The following DAP3 variants were observed in gnomAD, a reference collection of about 807,000 sequenced individuals.
DAP3 encodes death associated protein 3.
DAP3 carries 28 observed loss-of-function variants against 51.9 expected under a neutral mutation model. The observed-to-expected ratio is 0.54, with a 90% CI of 0.40 to 0.74. The LOEUF is 0.74. Among genes scored for constraint, DAP3 ranks in the 30% least tolerant of loss-of-function variants. The pLI is 0.00. For missense variants in DAP3, 458 were observed against 483.5 expected, an observed-to-expected ratio of 0.95 and a Z score of 0.49; for synonymous variants, 170 against 170.3, an observed-to-expected ratio of 1.00 and a Z score of 0.01.
intron 1 of DAP3, among the ~76,000 whole-genome samples, chr1:155,697,205 A>G (rs1440882937): frequency 6.6e-6 from 1 of 152,148 alleles, no homozygotes; most frequent in Non-Finnish European, 1.5e-5. Flanking sequence ...AGTGAACTGC[A>G]GGTTGGGCAG....
Position 155,717,117 on chromosome 1 carries a change from G to A in DAP3, c.157G>A (p.Glu53Lys). 1 of 1,614,066 alleles carries A rather than the reference G, an allele frequency of 6.2e-7. No individual in the cohort carries two copies. The change falls in exon 3 of 13, where the codon GAG (glutamate) becomes AAG (lysine). Residue 53 changes from glutamate (E) to lysine (K), a missense_variant. Coordinates refer to ENST00000368336, the MANE Select transcript of DAP3 (RefSeq NM_004632.4). ...ESPRAISRTNENDPAKHGDQH... is the reference protein window; with the variant it reads ...ESPRAISRTNKNDPAKHGDQH... ...TCCGAGAGCTATTTCCCGCACCAAT[G>A]AGAATGACCCGGTGAGTTACTAATA... is the stretch of plus-strand genomic sequence containing the variant.
At chr1:155,696,332 A>G (rs531714297) in intron 1 of DAP3, among the ~76,000 whole-genome samples, 1 of 152,172 alleles carries the variant, frequency 6.6e-6, no homozygotes. Flanking sequence ...TTGGGTGTTA[A>G]TTCTCTTTTA....
chr1:155,709,702 C>G, intron 1 of DAP3, 71 bp from the exon 2 acceptor site: 1 of 1,327,950 alleles, frequency 7.5e-7, no homozygotes. Context: ...AATCTATTGT[C>G]AGTTTTCCAT....
rs745487345 is a variant in DAP3 at position 155,725,890 on chromosome 1, C to T, written c.380-37C>T. 3 of 1,587,104 alleles carry T rather than the reference C, an allele frequency of 1.9e-6. No individual in the cohort carries two copies. In the Admixed American group the frequency reaches 5.0e-5, roughly 27 times the overall value. On this transcript the variant is annotated intron_variant, in intron 5 of 12. Transcript: ENST00000368336. ...AACTACTGTTCACATACAAGTGATC[C>T]TTCCAGTCATGTTTTCTTTAACAAC...
intron 2 of DAP3, among the ~76,000 whole-genome samples, chr1:155,715,940 A>G (rs1294250861): frequency 6.6e-6 from 1 of 152,182 alleles, no homozygotes; most frequent in East Asian, 1.9e-4. Context: ...TTAGCAGGAA[A>G]ATTGTTACAG....
At chr1:155,726,135 T>G in intron 6 of DAP3, 116 bp downstream of exon 6, 1 of 874,572 alleles carries the variant, frequency 1.1e-6, no homozygotes, top group South Asian at 1.8e-5. Flanking sequence ...TTTTTTGAGA[T>G]GGAGTTTCGC....
At chr1:155,731,307 C>G (rs750637871) in intron 9 of DAP3, 49 bp from the exon 10 acceptor site, 2 of 1,555,516 alleles carry the variant, frequency 1.3e-6, no homozygotes, top group Admixed American at 1.7e-5. Flanking sequence ...GGGAGAACAT[C>G]TAGGAAAGGC....
At chr1:155,699,739 A>G (rs1012182160) in intron 1 of DAP3, among the ~76,000 whole-genome samples, 1 of 149,322 alleles carries the variant, frequency 6.7e-6, no homozygotes, top group Non-Finnish European at 1.5e-5. Context: ...TTAGCCTCCC[A>G]AGTAGCTAGG....
chr1:155,721,732 C>G, intron 4 of DAP3, 114 bp downstream of exon 4: 3 of 1,003,882 alleles, frequency 3.0e-6, no homozygotes, highest in Non-Finnish European at 3.0e-6. Flanking sequence ...ATCTGAAAAA[C>G]AGAAATTCAT....
chr1:155,716,402 C>G (rs566431133), intron 2 of DAP3, among the ~76,000 whole-genome samples: 1 of 150,390 alleles, frequency 6.6e-6, no homozygotes, highest in Non-Finnish European at 1.5e-5. Flanking sequence ...TAAAAATACA[C>G]CTCTACTAAA....
intron 1 of DAP3, among the ~76,000 whole-genome samples, chr1:155,698,897 C>T (rs966480482): frequency 3.3e-5 from 5 of 152,190 alleles, no homozygotes; most frequent in Non-Finnish European, 5.9e-5. Flanking sequence ...CTTTGGGAGT[C>T]CTTTGTCTGT....
rs1417132527 is a variant in DAP3 at position 155,689,206 on chromosome 1, C to G, written c.-8+32C>G. On this transcript the variant is annotated intron_variant, in intron 1 of 12. Coordinates refer to ENST00000368336, the MANE Select transcript of DAP3 (RefSeq NM_004632.4). ...GAATGGACCGACACGGGTATTGTAC[C>G]GCTGAGGGAAAGGAGCGGGACTCCG... 2.4e-5 allele frequency: 17 copies of G among 705,884 alleles called. 1 individual carries two copies. The South Asian group carries it at 2.5e-4, about 11-fold the overall frequency. 43.7% of individuals were successfully genotyped at this position (705,884 alleles called of 1,614,324 possible).
At chr1:155,689,380 A>G in intron 1 of DAP3, 1 of 499,368 alleles carries the variant, frequency 2.0e-6, no homozygotes, top group South Asian at 1.5e-5. Context: ...GGATTTCTCG[A>G]ATTTCACACC....
chr1:155,718,128 G>C (rs1657536767), intron 3 of DAP3, among the ~76,000 whole-genome samples: 2 of 152,332 alleles, frequency 1.3e-5, no homozygotes, highest in African/African-American at 4.8e-5. Flanking sequence ...GCTCACGACT[G>C]TCATCCTAGC....
intron 12 of DAP3, among the ~76,000 whole-genome samples, chr1:155,737,374 T>C (rs1289534915): frequency 1.3e-5 from 2 of 152,238 alleles, no homozygotes; most frequent in African/African-American, 2.4e-5. Flanking sequence ...ATTTATTCAA[T>C]AGACTTCACT....
At chr1:155,728,937 A>C in intron 7 of DAP3, 105 bp from the exon 8 acceptor site, 1 of 1,030,392 alleles carries the variant, frequency 9.7e-7, no homozygotes, top group Non-Finnish European at 1.4e-6. Context: ...CAATAGATTA[A>C]AATGAACTCC....
Position 155,727,547 on chromosome 1 carries a change from A to C in DAP3, c.473-61A>C, listed in dbSNP as rs1393172970. 4 of 1,572,036 alleles carry C rather than the reference A, an allele frequency of 2.5e-6. 1 individual carries two copies. In the African/African-American group the frequency reaches 4.1e-5, roughly 16 times the overall value. On this transcript the variant is annotated intron_variant, in intron 6 of 12. Transcript: ENST00000368336. ...TCCCATAACTTAAAAGAGGCATAGA[A>C]TATTTCGAGTTGAATACAGTTTCTG...
chr1:155,734,234 G>C (rs974350756), intron 11 of DAP3, among the ~76,000 whole-genome samples: 1 of 152,052 alleles, frequency 6.6e-6, no homozygotes, highest in Non-Finnish European at 1.5e-5. Flanking sequence ...TGGAGATAGG[G>C]TCTCACTCTG....
chr1:155,694,014 TA>T lies in DAP3; in HGVS notation c.-8+4843del, dbSNP rs1654200335. ...TACAATCCTTTCAAATCAATATTTCTAAATCATTTGACTGTTGTTGAGGTTG... is the reference window on the plus strand; with the variant it reads ...TACAATCCTTTCAAATCAATATTTCTAATCATTTGACTGTTGTTGAGGTTG... On this transcript the variant is annotated intron_variant, in intron 1 of 12. Coordinates refer to ENST00000368336, the MANE Select transcript of DAP3 (RefSeq NM_004632.4). Among the ~76,000 whole-genome samples, 2 of 141,906 alleles carry T rather than the reference TA, an allele frequency of 1.4e-5. 1 individual carries two copies. The highest frequency in any genetic ancestry group is 6.4e-5 in the African/African-American group (2 of 31,414). 93.1% of individuals were successfully genotyped at this position (141,906 alleles called of 152,430 possible). A position where few individuals can be genotyped will look rare whatever the true frequency, so the allele number is the denominator to read the frequency against.
Sources: allele counts gnomAD v4.1 joint callset (sites outside exome capture counted in the v4.1 genomes callset), GRCh38; gene constraint gnomAD v4.1.1; transcripts MANE v1.5; gene names NCBI Gene and HGNC (gene_info 2026-07-23, HGNC 2026-07-21).